Variants in SEC31B observed in about 807,000 individuals in gnomAD.
The protein encoded by SEC31B is SEC31 homolog B, COPII component, also known as protein transport protein Sec31B.
In SEC31B, 113 loss-of-function variants were observed where a neutral mutation model predicts 135.0. The observed-to-expected ratio is 0.84, with a 90% CI of 0.72 to 0.98. The LOEUF is 0.98. Ranked by LOEUF, SEC31B falls within the 50% of genes least tolerant of loss-of-function variation. SEC31B has a pLI of 0.00. For missense variants in SEC31B, 1,296 were observed against 1,421.1 expected (o/e 0.91, Z 1.42); for synonymous variants, 508 against 549.4 (o/e 0.92, Z 1.05).
At chr10:100,499,404 G>T in intron 12 of SEC31B, 120 bp downstream of exon 12, 1 of 1,098,112 alleles carries the variant, frequency 9.1e-7, no homozygotes, top group Non-Finnish European at 1.4e-6. Context: ...ACTCCAGGAT[G>T]TAAAATGCTC....
intron 10 of SEC31B, among the ~76,000 whole-genome samples, 191 bp downstream of exon 10, chr10:100,505,170 A>C (rs1330999019): frequency 6.6e-6 from 1 of 152,184 alleles, no homozygotes; most frequent in East Asian, 1.9e-4. Context: ...GAATGGGTGA[A>C]GTGAAGAGAA....
chr10:100,490,058 G>A lies in SEC31B; in HGVS notation c.2915C>T (p.Ala972Val). 1.3e-6 allele frequency: 2 copies of A among 1,564,198 alleles called. No individual in the cohort carries two copies. The highest frequency in any genetic ancestry group is 1.7e-6 in the Non-Finnish European group (2 of 1,159,290). Residue 972 changes from alanine (A) to valine (V), a missense_variant, in exon 21 of 26, where the codon GCC becomes GTC. Transcript: ENST00000370345. Reference protein sequence around the residue: ...PVPYLPGDPGAPCSSVLPTTG... With the variant: ...PVPYLPGDPGVPCSSVLPTTG... ...GGTTGGGAGGACACTAGAGCATGGG[G>A]CACCTGGGTCCCCTGGAAGGTATGG...
At chr10:100,514,980 C>CAAA (rs1232368371) in intron 3 of SEC31B, among the ~76,000 whole-genome samples, 1,201 of 63,912 alleles carry the variant, frequency 0.019, 32 homozygotes, top group African/African-American at 0.06. Flanking sequence ...GACTCCATCT[C>CAAA]AAAAAAAAAA....
At chr10:100,514,619 G>C (rs1351647448) in intron 3 of SEC31B, among the ~76,000 whole-genome samples, 2 of 151,138 alleles carry the variant, frequency 1.3e-5, no homozygotes, top group Non-Finnish European at 2.9e-5. Flanking sequence ...GCTCAAGAAA[G>C]GGAAAACGAC....
chr10:100,509,670 C>T (rs78383918), intron 3 of SEC31B, among the ~76,000 whole-genome samples, 159 bp from the exon 4 acceptor site: 1 of 152,164 alleles, frequency 6.6e-6, no homozygotes, highest in African/African-American at 2.4e-5. Flanking sequence ...ATGTATCCTC[C>T]GCCCAGTCCT....
chr10:100,488,831 G>C, intron 24 of SEC31B, 27 bp downstream of exon 24: 1 of 1,552,856 alleles, frequency 6.4e-7, no homozygotes, highest in Non-Finnish European at 8.7e-7. Context: ...GTGCGAGGAG[G>C]GCACTGTGAA....
chr10:100,487,994 G>A (rs138735397), intron 25 of SEC31B, 33 bp downstream of exon 25: 16 of 1,600,796 alleles, frequency 1.0e-5, no homozygotes, highest in Admixed American at 6.7e-5. Flanking sequence ...TGGAAGTGTA[G>A]GAGGCAGTGG....
chr10:100,508,353 GA>G, intron 5 of SEC31B: 1 of 530,302 alleles, frequency 1.9e-6, no homozygotes, highest in Non-Finnish European at 3.6e-6. Context: ...AAAAGAGGGA[GA>G]GAAGGAGGAA....
At position 100,498,209 on chromosome 10, in the gene SEC31B, T is replaced by C. The variant is rs1851450122; in HGVS notation, c.1685-2A>G. The C allele has an allele frequency of 6.2e-7, 1 of 1,614,100 alleles. No homozygotes were observed. Among genetic ancestry groups the C allele is most frequent in the Non-Finnish European group, 8.5e-7 (1 of 1,179,992 alleles). Reference sequence around the variant, plus strand: ...CCTGGCTTAGGAGTCCATCAATATCTGCAGGCAGAAGCATCCCCTGTGCAT... The same window carrying C: ...CCTGGCTTAGGAGTCCATCAATATCCGCAGGCAGAAGCATCCCCTGTGCAT... On this transcript the variant is annotated splice_acceptor_variant, in intron 14 of 25. Transcript: ENST00000370345. LOFTEE classifies it high-confidence loss of function.
intron 11 of SEC31B, 99 bp from the exon 12 acceptor site, chr10:100,499,697 G>T: frequency 1.2e-6 from 1 of 846,724 alleles, no homozygotes; most frequent in Non-Finnish European, 1.9e-6. Context: ...ACCCAATATA[G>T]TTCTTTGTAC....
intron 5 of SEC31B, chr10:100,508,350 G>C (rs755120217): frequency 7.5e-6 from 4 of 529,818 alleles, no homozygotes; most frequent in Non-Finnish European, 1.4e-5. Context: ...AAAAAAAGAG[G>C]GAGAGAAGGA....
At chr10:100,501,954 G>T (rs1851532346) in intron 11 of SEC31B, among the ~76,000 whole-genome samples, 1 of 152,138 alleles carries the variant, frequency 6.6e-6, no homozygotes, top group African/African-American at 2.4e-5. Context: ...ATGATACCGT[G>T]AAGGTCTTTG....
Position 100,489,720 on chromosome 10 carries a change from T to C in SEC31B, c.3007A>G (p.Asn1003Asp). The change falls in exon 22 of 26, where the codon AAC becomes GAC. Residue 1003 changes from asparagine to aspartate, a missense_variant. Coordinates refer to ENST00000370345, the MANE Select transcript of SEC31B (RefSeq NM_015490.4). ...GCATTGACCTTGTTCCTCTGGAGGT[T>C]TCCCCTGGGGGCTGGGGCTTCTTTC... ...SWKEAPAPRG[N>D]LQRNKLPETF... is the part of the protein sequence containing the mutation. 4 of 1,613,974 alleles carry C rather than the reference T, an allele frequency of 2.5e-6. No homozygotes were observed. The highest frequency in any genetic ancestry group is 3.4e-6 in the Non-Finnish European group (4 of 1,179,972).
Position 100,489,305 on chromosome 10 carries a change from CA to C in SEC31B, c.3117del (p.Val1040SerfsTer4). 6.2e-7 allele frequency: 1 copy of C among 1,613,622 alleles called. No individual in the cohort carries two copies. The highest frequency in any genetic ancestry group is 8.5e-7 in the Non-Finnish European group (1 of 1,179,866). ...GGGGGAGCATGACTCACACTGGAGA[CA>C]GGGGGCTGTGAGGGAAGAATCCCTT... ...ELQGILPSQP[P>X]VSSVSHAPPG... On this transcript the variant is annotated frameshift_variant, in exon 23 of 26. Transcript: ENST00000370345. LOFTEE classifies it high-confidence loss of function.
intron 3 of SEC31B, among the ~76,000 whole-genome samples, chr10:100,515,406 C>T (rs1282099211): frequency 6.6e-6 from 1 of 152,112 alleles, no homozygotes; most frequent in Non-Finnish European, 1.5e-5. Flanking sequence ...GAGACCATTG[C>T]TTCAGATTGT....
chr10:100,492,384 C>T (rs1030895283), intron 19 of SEC31B, among the ~76,000 whole-genome samples: 2 of 152,076 alleles, frequency 1.3e-5, no homozygotes, highest in Non-Finnish European at 2.9e-5. Context: ...CCACCATGCC[C>T]GGTTAATTTT....
At chr10:100,493,472 A>C (rs143313068) in intron 19 of SEC31B, among the ~76,000 whole-genome samples, 1 of 152,216 alleles carries the variant, frequency 6.6e-6, no homozygotes, top group Non-Finnish European at 1.5e-5. Flanking sequence ...ACTTGAATGA[A>C]CCTCAAAGAA....
chr10:100,495,494 A>G lies in SEC31B; in HGVS notation c.2363T>C (p.Val788Ala), dbSNP rs145944362. The change falls in exon 19 of 26, where the codon GTC becomes GCC. Residue 788 changes from valine (V) to alanine (A), a missense_variant. Val to Ala is a moderately conservative substitution (Grantham distance 64). Transcript: ENST00000370345. Reference protein sequence around the residue: ...DRLFHAQGSAVLGQQSPPFPF... With the variant: ...DRLFHAQGSAALGQQSPPFPF... ...GAAAGGGGGAGACTGTTGGCCCAAG[A>G]CAGCAGAACCTTGAGCATGAAAAAG... 4.6e-5 allele frequency: 74 copies of G among 1,614,076 alleles called. No individual in the cohort carries two copies. The highest frequency in any genetic ancestry group is 5.4e-5 in the Non-Finnish European group (64 of 1,179,990).
At position 100,490,158 on chromosome 10, in the gene SEC31B, G is replaced by A; in HGVS notation, c.2815C>T (p.Leu939=). The A allele has an allele frequency of 6.2e-7, 1 of 1,600,892 alleles. No homozygotes were observed. Among genetic ancestry groups the A allele is most frequent in the Middle Eastern group, 1.7e-4 (1 of 5,976 alleles). The change falls in exon 21 of 26, where the codon CTG becomes TTG. Residue 939 remains leucine, a synonymous_variant. Coordinates refer to ENST00000370345, the MANE Select transcript of SEC31B (RefSeq NM_015490.4). ...SLPETPRLFP[L]LPLRPLGPGR... is the part of the protein sequence containing the mutation. ...GGACCTAGTGGTCTCAGAGGAAGCA[G>A]AGGGAACAGTCTAGGAGTCTCAGGC... is the stretch of plus-strand genomic sequence containing the variant.
Sources: allele counts gnomAD v4.1 joint callset (sites outside exome capture counted in the v4.1 genomes callset), GRCh38; gene constraint gnomAD v4.1.1; transcripts MANE v1.5; gene names NCBI Gene and HGNC (gene_info 2026-07-23, HGNC 2026-07-21).